The following MACF1 variants were observed in gnomAD, a reference collection of about 807,000 sequenced individuals.
MACF1 encodes microtubule actin crosslinking factor 1.
Under a neutral mutation model 854.8 loss-of-function variants are expected in MACF1, and 193 were observed. The ratio of observed to expected loss-of-function variants is 0.23; its 90% confidence interval spans 0.20 to 0.25. The LOEUF (loss-of-function observed/expected upper bound fraction) is 0.25. Among genes scored for constraint, MACF1 ranks in the 10% least tolerant of loss-of-function variants. MACF1 has a pLI of 1.00. For synonymous variants in MACF1, 3,185 were observed against 3,226.7 expected (o/e 0.99, Z 0.44); for missense variants, 7,722 against 8,929.1 (o/e 0.86, Z 5.45).
chr1:39,374,981 G>T lies in MACF1; in HGVS notation c.13213+2385G>T, dbSNP rs893196136. Among the ~76,000 whole-genome samples the T allele has an allele frequency of 3.3e-5, 5 of 152,018 alleles. No individual in the cohort carries two copies. The South Asian group carries it at 8.3e-4, about 25-fold the overall frequency. On this transcript the variant is annotated intron_variant, in intron 52 of 100. Transcript: ENST00000564288. ...AAAAGTTAGCCAGGTGTGGTGGCGG[G>T]TGCCTGTAGTCCCAGCTACTCGGGA...
chr1:39,254,647 G>A (rs1645078274), intron 5 of MACF1: 1 of 370,528 alleles, frequency 2.7e-6, no homozygotes. Context: ...CCTTAGGTGG[G>A]GGTCAAAATG....
intron 93 of MACF1, among the ~76,000 whole-genome samples, chr1:39,462,793 G>A (rs1402365524): frequency 6.6e-6 from 1 of 152,192 alleles, no homozygotes; most frequent in African/African-American, 2.4e-5. Flanking sequence ...TTTCTGCCTT[G>A]TTAAGAACTA....
chr1:39,346,770 T>C lies in MACF1; in HGVS notation c.10582-207T>C, dbSNP rs910945041. ...TCCTGACCTTGTGATCCGCCCACCT[T>C]GGCCTCCCAAAGTGCTGGGATTACA... On this transcript the variant is annotated intron_variant, in intron 40 of 100. Coordinates refer to ENST00000564288, the MANE Select transcript of MACF1 (RefSeq NM_001394062.1). Among the ~76,000 whole-genome samples the C allele has an allele frequency of 4.6e-5, 7 of 152,170 alleles. No homozygotes were observed. In the South Asian group the frequency reaches 6.2e-4, roughly 14 times the overall value.
chr1:39,225,257 C>T (rs929134912), intron 1 of MACF1, among the ~76,000 whole-genome samples: 14 of 139,834 alleles, frequency 1.0e-4, no homozygotes, highest in African/African-American at 8.1e-5. Flanking sequence ...TCGCCCAGGC[C>T]GGACTGCGGA....
In MACF1 at chr1:39,435,873, C is replaced by T. The variant is rs964846340; in HGVS notation, c.17988+112C>T. 1.5e-4 allele frequency: 130 copies of T among 872,138 alleles called. 1 individual carries two copies. In the South Asian group the frequency reaches 1.7e-3, roughly 11 times the overall value. The allele number at this position is 872,138 out of a possible 1,614,324, so 54.0% of individuals were successfully genotyped here. ...GAATGTCCAGAGCAGCATGTTAATA[C>T]GTGATCGGTAGATAGAACAGAAAGC... On this transcript the variant is annotated intron_variant, in intron 70 of 100. Transcript: ENST00000564288.
intron 2 of MACF1, among the ~76,000 whole-genome samples, chr1:39,104,689 T>C (rs1642174653): frequency 6.6e-6 from 1 of 152,218 alleles, no homozygotes. Context: ...TCTCAGGCTC[T>C]GGCTCCTTGG....
chr1:39,122,624 G>A (rs1324170230), intron 2 of MACF1, among the ~76,000 whole-genome samples: 4 of 152,156 alleles, frequency 2.6e-5, no homozygotes, highest in African/African-American at 4.8e-5. Context: ...GAGCAGGTGA[G>A]GATTAAACCC....
chr1:39,218,558 C>T (rs1163093034), intron 1 of MACF1, among the ~76,000 whole-genome samples: 1 of 152,034 alleles, frequency 6.6e-6, no homozygotes, highest in African/African-American at 2.4e-5. Context: ...CTTCGTTTTT[C>T]TGACTGTGAT....
chr1:39,476,778 G>A (rs1200695239), intron 97 of MACF1, among the ~76,000 whole-genome samples: 1 of 151,614 alleles, frequency 6.6e-6, no homozygotes. Flanking sequence ...GTAGGGCATG[G>A]AGTAAAGTTT....
At chr1:39,110,230 C>CTTTTTT (rs5773651) in intron 2 of MACF1, among the ~76,000 whole-genome samples, 23 of 84,588 alleles carry the variant, frequency 2.7e-4, no homozygotes, top group South Asian at 4.3e-4. Flanking sequence ...GGATGTTGTT[C>CTTTTTT]TTTTTTTTTT....
chr1:39,192,172 A>G (rs1310308812), intron 2 of MACF1, among the ~76,000 whole-genome samples: 1 of 151,956 alleles, frequency 6.6e-6, no homozygotes, highest in Non-Finnish European at 1.5e-5. Flanking sequence ...AAAACAAAAA[A>G]CTTAAAAATG....
intron 45 of MACF1, among the ~76,000 whole-genome samples, chr1:39,358,310 C>T (rs1339327930): frequency 2.6e-5 from 4 of 152,150 alleles, no homozygotes; most frequent in South Asian, 2.1e-4. Flanking sequence ...AGAACTTGCT[C>T]GCTCTTCTAA....
chr1:39,473,708 T>TG, intron 97 of MACF1, among the ~76,000 whole-genome samples: 1 of 132,748 alleles, frequency 7.5e-6, no homozygotes. Flanking sequence ...TTGAGAGACT[T>TG]GTTTTCAGAG....
At chr1:39,379,022 C>T (rs1649960998) in intron 53 of MACF1, among the ~76,000 whole-genome samples, 181 bp from the exon 54 acceptor site, 1 of 152,076 alleles carries the variant, frequency 6.6e-6, no homozygotes, top group South Asian at 2.1e-4. Context: ...AACCAGAAAG[C>T]AGATTAATGA....
rs745337739 is a variant in MACF1, at chr1:39,382,057, C to T, written c.13753C>T (p.Arg4585Trp). The T allele has an allele frequency of 6.8e-6, 11 of 1,614,036 alleles. No individual in the cohort carries two copies. Among genetic ancestry groups the T allele is most frequent in the South Asian group, 3.3e-5 (3 of 91,090 alleles). The part of the protein sequence containing the change: ...ACFQAAESQL[R>W]PWLMEKELMM... The stretch of plus-strand genomic sequence containing the variant: ...CTTCCAGGCTGCAGAATCCCAGCTC[C>T]GGCCGTGGCTGATGGAGAAAGAACT... The change falls in exon 56 of 101, where the codon CGG becomes TGG. Residue 4585 changes from arginine (R) to tryptophan (W), a missense_variant. Around this residue, in one of 15 missense-constraint regions of MACF1, gnomAD observed 2,807 missense variants for 3,235.8 expected, o/e 0.87. Transcript: ENST00000564288.
chr1:39,143,108 A>G (rs1323879644), intron 2 of MACF1, among the ~76,000 whole-genome samples: 1 of 152,218 alleles, frequency 6.6e-6, no homozygotes, highest in Admixed American at 6.5e-5. Flanking sequence ...GGAATGGCAG[A>G]TCAGGCTGAT....
intron 57 of MACF1, 143 bp downstream of exon 57, chr1:39,386,072 G>A: frequency 1.1e-6 from 1 of 903,300 alleles, no homozygotes; most frequent in East Asian, 2.6e-5. Flanking sequence ...CCTTCTCCTA[G>A]TTGCAGTGAG....
At chr1:39,265,116 C>G (rs1241012135) in intron 6 of MACF1, among the ~76,000 whole-genome samples, 2 of 152,182 alleles carry the variant, frequency 1.3e-5, no homozygotes, top group African/African-American at 4.8e-5. Context: ...TTGTTAAATA[C>G]TAGTGTATGC....
chr1:39,161,984 G>T (rs1226796784), intron 2 of MACF1, among the ~76,000 whole-genome samples: 1 of 151,858 alleles, frequency 6.6e-6, no homozygotes, highest in Admixed American at 6.6e-5. Context: ...GATTACTTCA[G>T]CTGGGGGTTT....
Sources: gnomAD v4.1 joint callset for allele counts (sites outside exome capture counted in the v4.1 genomes callset) on GRCh38, gnomAD v4.1.1 for gene constraint, gnomAD v4.1.1 regional missense constraint, MANE v1.5 for transcripts, NCBI Gene and HGNC (gene_info 2026-07-23, HGNC 2026-07-21) for gene names.